PHF2: variants seen among roughly 807,000 people sequenced by gnomAD.
PHF2 encodes the protein lysine-specific demethylase PHF2.
Under a neutral mutation model 120.5 loss-of-function variants are expected in PHF2, and 27 were observed. The observed-to-expected ratio is 0.22, with a 90% CI of 0.17 to 0.31. The LOEUF (loss-of-function observed/expected upper bound fraction) is 0.31, where lower values mean the gene tolerates loss of function less well. Among genes scored for constraint, PHF2 ranks in the 10% least tolerant of loss-of-function variants. The pLI is 1.00. For missense variants in PHF2, 1,024 were observed against 1,434.8 expected (o/e 0.71, Z 4.63); for synonymous variants, 568 against 592.5 (o/e 0.96, Z 0.60).
chr9:93,620,977 C>T (rs1456289311), intron 1 of PHF2, among the ~76,000 whole-genome samples: 10 of 152,222 alleles, frequency 6.6e-5, no homozygotes, highest in Non-Finnish European at 1.3e-4. Context: ...CCTGGATCCT[C>T]GTTAGGTGCT....
At chr9:93,606,857 G>A (rs1825551602) in intron 1 of PHF2, among the ~76,000 whole-genome samples, 1 of 151,844 alleles carries the variant, frequency 6.6e-6, no homozygotes, top group Admixed American at 6.5e-5. Context: ...ATGATTTAAA[G>A]TTGTTTTTTG....
Position 93,660,223 on chromosome 9 carries a change from A to G in PHF2, c.1361A>G (p.Asn454Ser). The G allele has an allele frequency of 6.3e-7, 1 of 1,588,242 alleles. No individual in the cohort carries two copies. Among genetic ancestry groups the G allele is most frequent in the Non-Finnish European group, 8.5e-7 (1 of 1,171,026 alleles). Residue 454 changes from asparagine to serine, a missense_variant, in exon 12 of 22, where the codon AAT becomes AGT. Asn to Ser is a conservative substitution (Grantham distance 46). Coordinates refer to ENST00000359246, the MANE Select transcript of PHF2 (RefSeq NM_005392.4). Reference sequence around the variant, plus strand: ...TCCAAAGCCGTCCGACCGGAAGTGAATACTGTCGCCTCGTCAGATGAGGTG... The same window carrying G: ...TCCAAAGCCGTCCGACCGGAAGTGAGTACTGTCGCCTCGTCAGATGAGGTG... ...NASKAVRPEV[N>S]TVASSDEVCD...
intron 1 of PHF2, among the ~76,000 whole-genome samples, chr9:93,580,744 C>T (rs1862916470): frequency 6.6e-6 from 1 of 152,092 alleles, no homozygotes; most frequent in South Asian, 2.1e-4. Flanking sequence ...TCATTCATAC[C>T]TCAGTAAATA....
chr9:93,593,793 T>C (rs1002720605), intron 1 of PHF2, among the ~76,000 whole-genome samples: 1 of 152,202 alleles, frequency 6.6e-6, no homozygotes, highest in African/African-American at 2.4e-5. Context: ...AATGAAACAC[T>C]ACACACATAA....
chr9:93,655,587 C>A (rs1826444756), intron 7 of PHF2, among the ~76,000 whole-genome samples: 1 of 152,222 alleles, frequency 6.6e-6, no homozygotes, highest in Non-Finnish European at 1.5e-5. Context: ...GAGTACTGCC[C>A]CCTCAAGTGG....
chr9:93,591,229 A>G (rs1266321143), intron 1 of PHF2, among the ~76,000 whole-genome samples: 11 of 152,248 alleles, frequency 7.2e-5, no homozygotes. Context: ...ACTTATGGCC[A>G]CAGATGCTTT....
Position 93,673,789 on chromosome 9 carries a change from G to A in PHF2, c.2553G>A (p.Lys851=). ...AGKRLLKRAA[K]NSVDLDDYEE... Reference sequence around the variant, plus strand: ...AACGACTGCTGAAGAGGGCTGCCAAGAACAGTGTCGACCTGGACGACTACG... The same window carrying A: ...AACGACTGCTGAAGAGGGCTGCCAAAAACAGTGTCGACCTGGACGACTACG... Residue 851 remains lysine (K), a synonymous_variant, in exon 18 of 22, where the codon AAG becomes AAA. Transcript: ENST00000359246. 6.2e-7 allele frequency: 1 copy of A among 1,613,220 alleles called. No individual in the cohort carries two copies. The highest frequency in any genetic ancestry group is 8.5e-7 in the Non-Finnish European group (1 of 1,179,554).
At chr9:93,665,195 A>G (rs867020298) in intron 14 of PHF2, among the ~76,000 whole-genome samples, 1 of 147,600 alleles carries the variant, frequency 6.8e-6, no homozygotes, top group African/African-American at 2.7e-5. Context: ...AGCTATGGAG[A>G]AAAAAACCAG....
chr9:93,663,672 C>A, intron 14 of PHF2, 37 bp downstream of exon 14: 1 of 1,161,994 alleles, frequency 8.6e-7, no homozygotes, highest in Non-Finnish European at 1.3e-6. Context: ...TGACCTCGCG[C>A]ATAACCGACA....
rs566271363 is a variant in PHF2, at chr9:93,629,909, A to C, written c.99-61A>C. 2.0e-6 allele frequency: 3 copies of C among 1,520,752 alleles called. No homozygotes were observed. The African/African-American group carries it at 4.1e-5, about 21-fold the overall frequency. The allele number at this position is 1,520,752 out of a possible 1,614,324, so 94.2% of individuals were successfully genotyped here. ...AGGGATTCTCCCTAGAGCTTCGCAG[A>C]TGGAAAGTGCTTGAGGGGGTGCTGA... On this transcript the variant is annotated intron_variant, in intron 1 of 21. Coordinates refer to ENST00000359246, the MANE Select transcript of PHF2 (RefSeq NM_005392.4).
chr9:93,596,194 G>A (rs531893154), intron 1 of PHF2, among the ~76,000 whole-genome samples: 30 of 152,258 alleles, frequency 2.0e-4, no homozygotes, highest in Middle Eastern at 3.4e-3. Flanking sequence ...GCACAGCTGT[G>A]GGTTAGGAGG....
intron 4 of PHF2, among the ~76,000 whole-genome samples, chr9:93,646,271 G>T (rs986556048): frequency 2.0e-5 from 3 of 152,226 alleles, no homozygotes; most frequent in Admixed American, 6.5e-5. Flanking sequence ...CCCATTTCAT[G>T]TCCCCTTGCA....
chr9:93,619,587 G>A (rs1387629426), intron 1 of PHF2, among the ~76,000 whole-genome samples: 2 of 152,088 alleles, frequency 1.3e-5, no homozygotes, highest in African/African-American at 2.4e-5. Context: ...TGTGCTCCAC[G>A]CCTGCTGGTG....
chr9:93,675,335 G>A (rs1240955290), intron 19 of PHF2, among the ~76,000 whole-genome samples: 1 of 152,260 alleles, frequency 6.6e-6, no homozygotes, highest in Non-Finnish European at 1.5e-5. Context: ...GGTCACCTTT[G>A]TACCGGAGGC....
At chr9:93,661,330 TTG>T (rs1361150955) in intron 12 of PHF2, among the ~76,000 whole-genome samples, 2 of 152,130 alleles carry the variant, frequency 1.3e-5, no homozygotes, top group Non-Finnish European at 2.9e-5. Context: ...TGGGACGCTT[TTG>T]TGTTCTCTTT....
At chr9:93,650,135 C>T (rs932085866) in intron 5 of PHF2, among the ~76,000 whole-genome samples, 1 of 109,694 alleles carries the variant, frequency 9.1e-6, no homozygotes, top group Non-Finnish European at 2.0e-5. Flanking sequence ...TTAGCACTCA[C>T]CAACACGGTA....
chr9:93,646,415 C>T (rs985748512), intron 4 of PHF2, among the ~76,000 whole-genome samples: 3 of 152,202 alleles, frequency 2.0e-5, no homozygotes, highest in Admixed American at 6.5e-5. Flanking sequence ...GCCACATGGC[C>T]AAGCATGGAG....
chr9:93,576,974 A>C (rs2131590905), intron 1 of PHF2, 103 bp downstream of exon 1: 3 of 330,298 alleles, frequency 9.1e-6, no homozygotes, highest in Non-Finnish European at 1.3e-5. Flanking sequence ...CGGCTCGGGG[A>C]CGGGCCGCCG....
chr9:93,589,500 T>A (rs1863128206), intron 1 of PHF2, among the ~76,000 whole-genome samples: 1 of 152,206 alleles, frequency 6.6e-6, no homozygotes, highest in Admixed American at 6.5e-5. Context: ...AATTGCCAAC[T>A]GTCTCCTGGG....
Sources: gnomAD v4.1 joint callset for allele counts (sites outside exome capture counted in the v4.1 genomes callset) on GRCh38, gnomAD v4.1.1 for gene constraint, MANE v1.5 for transcripts, NCBI Gene and HGNC (gene_info 2026-07-23, HGNC 2026-07-21) for gene names.